The following PALM2AKAP2 variants were observed in gnomAD, a reference collection of about 807,000 sequenced individuals.
The protein encoded by PALM2AKAP2 is PALM2-AKAP2 fusion protein.
Under a neutral mutation model 71.5 loss-of-function variants are expected in PALM2AKAP2, and 37 were observed. That is an observed-to-expected ratio of 0.52 (90% CI 0.40 to 0.68). The LOEUF is 0.68. Among genes scored for constraint, PALM2AKAP2 ranks in the 30% least tolerant of loss-of-function variants. PALM2AKAP2 has a pLI of 0.00. For synonymous variants in PALM2AKAP2, 468 were observed against 478.8 expected (o/e 0.98, Z 0.29); for missense variants, 1,224 against 1,191.8 (o/e 1.03, Z -0.40).
chr9:109,720,635 T>A (rs919774715), intron 1 of PALM2AKAP2, among the ~76,000 whole-genome samples: 1 of 152,166 alleles, frequency 6.6e-6, no homozygotes, highest in Non-Finnish European at 1.5e-5. Flanking sequence ...GCTAGCAAAA[T>A]CTATAGGGTT....
chr9:109,647,565 G>T (rs1827172007), intron 1 of PALM2AKAP2, among the ~76,000 whole-genome samples: 1 of 152,188 alleles, frequency 6.6e-6, no homozygotes, highest in African/African-American at 2.4e-5. Context: ...CATTCATCAT[G>T]TTTGAGAGCC....
intron 4 of PALM2AKAP2, 87 bp from the exon 5 acceptor site, chr9:109,924,974 A>G: frequency 3.8e-6 from 6 of 1,595,276 alleles, no homozygotes; most frequent in Admixed American, 3.4e-5. Context: ...CATGGGAGAA[A>G]GATGGGTTAA....
intron 1 of PALM2AKAP2, among the ~76,000 whole-genome samples, chr9:109,860,021 A>C (rs1025605262): frequency 2.0e-5 from 3 of 152,246 alleles, no homozygotes; most frequent in Admixed American, 6.5e-5. Context: ...AGGAAGCCTG[A>C]ATAGAAATCA....
chr9:109,786,886 A>G (rs1826984819), intron 1 of PALM2AKAP2, among the ~76,000 whole-genome samples: 1 of 152,204 alleles, frequency 6.6e-6, no homozygotes, highest in African/African-American at 2.4e-5. Context: ...AGGGCCCAGT[A>G]GAATTGTTTC....
chr9:109,949,516 A>C (rs1831587280), intron 6 of PALM2AKAP2, among the ~76,000 whole-genome samples: 2 of 152,212 alleles, frequency 1.3e-5, no homozygotes, highest in African/African-American at 4.8e-5. Context: ...ATCTATATAC[A>C]TTATGGAGCT....
chr9:110,126,881 A>G lies in PALM2AKAP2; in HGVS notation c.157-9246A>G, dbSNP rs185415712. 2.0e-4 allele frequency among the ~76,000 whole-genome samples: 31 copies of G among 152,350 alleles called. No individual in the cohort carries two copies. The East Asian group carries it at 6.0e-3, about 29-fold the overall frequency. On this transcript the variant is annotated intron_variant, in intron 1 of 3. Coordinates refer to ENST00000374525, the Ensembl canonical transcript of PALM2AKAP2. ...AGCCACTGACTTTTCAGCAGGGCTAAGAGGAGGATTGTTCATAGGCTAAGC... is the reference window on the plus strand; with the variant it reads ...AGCCACTGACTTTTCAGCAGGGCTAGGAGGAGGATTGTTCATAGGCTAAGC...
chr9:110,006,853 C>A (rs569262183), intron 6 of PALM2AKAP2, among the ~76,000 whole-genome samples: 1 of 152,260 alleles, frequency 6.6e-6, no homozygotes, highest in East Asian at 1.9e-4. Flanking sequence ...CTGTTTCATT[C>A]CTTTTTTCAT....
intron 3 of PALM2AKAP2, among the ~76,000 whole-genome samples, chr9:110,159,103 T>C (rs1408202065): frequency 2.6e-5 from 4 of 152,230 alleles, no homozygotes; most frequent in Non-Finnish European, 5.9e-5. Context: ...TTTCTTTTTC[T>C]TTAATACCAG....
chr9:109,715,231 C>T (rs761255366), intron 1 of PALM2AKAP2, among the ~76,000 whole-genome samples: 5 of 152,096 alleles, frequency 3.3e-5, no homozygotes, highest in South Asian at 2.1e-4. Context: ...GAGATAGGCC[C>T]GCTTTCCAGA....
chr9:109,655,704 T>A (rs1827294542), intron 1 of PALM2AKAP2, among the ~76,000 whole-genome samples: 1 of 152,236 alleles, frequency 6.6e-6, no homozygotes. Flanking sequence ...CTTTTGTGTC[T>A]GGATAATTTC....
chr9:110,149,173 T>G (rs1162380392), intron 2 of PALM2AKAP2, among the ~76,000 whole-genome samples: 1 of 152,192 alleles, frequency 6.6e-6, no homozygotes, highest in African/African-American at 2.4e-5. Flanking sequence ...AAACACCAAT[T>G]TATGCTTTCC....
chr9:109,849,671 A>T (rs67191673), intron 1 of PALM2AKAP2, among the ~76,000 whole-genome samples: 21,702 of 152,102 alleles, frequency 0.14, 1,882 homozygotes, highest in East Asian at 0.25. Context: ...CAGGAGAATC[A>T]CTTGAACCCG....
chr9:109,864,695 G>A (rs1365478663), intron 1 of PALM2AKAP2, among the ~76,000 whole-genome samples: 2 of 152,182 alleles, frequency 1.3e-5, no homozygotes, highest in African/African-American at 2.4e-5. Context: ...TACAATGGTA[G>A]CATTCAGTAG....
intron 1 of PALM2AKAP2, among the ~76,000 whole-genome samples, chr9:109,727,940 C>T (rs1225904986): frequency 1.3e-5 from 2 of 152,180 alleles, no homozygotes; most frequent in Non-Finnish European, 2.9e-5. Context: ...CCCTTTAGAT[C>T]AGTGCCAGGT....
At chr9:110,062,183 T>C (rs78847704) in intron 1 of PALM2AKAP2, among the ~76,000 whole-genome samples, 1 of 152,238 alleles carries the variant, frequency 6.6e-6, no homozygotes. Flanking sequence ...GCTGCACCTA[T>C]CAACCCATCA....
At chr9:109,881,874 C>G (rs75953096) in intron 3 of PALM2AKAP2, among the ~76,000 whole-genome samples, 18 of 98,200 alleles carry the variant, frequency 1.8e-4, no homozygotes, top group African/African-American at 6.1e-4. Context: ...AGCTTATGAG[C>G]TCTTTTTTTT....
intron 6 of PALM2AKAP2, among the ~76,000 whole-genome samples, chr9:109,990,558 G>A (rs953931554): frequency 2.6e-5 from 4 of 152,222 alleles, no homozygotes; most frequent in Non-Finnish European, 4.4e-5. Context: ...TCAGGGCAGA[G>A]TTCAGAGCCA....
intron 3 of PALM2AKAP2, among the ~76,000 whole-genome samples, chr9:110,167,450 A>C (rs1836764313): frequency 6.9e-6 from 1 of 145,914 alleles, no homozygotes; most frequent in Non-Finnish European, 1.5e-5. Context: ...TATGTTGGCA[A>C]CCTAAATGCC....
At chr9:110,169,411 A>G (rs1172601186) in exon 4 of PALM2AKAP2, 1 of 152,176 alleles carries the variant, frequency 6.6e-6, no homozygotes, top group Non-Finnish European at 1.5e-5. Context: ...TTAGAGCGGC[A>G]ATAATTGAAA....
Sources: allele counts gnomAD v4.1 joint callset (sites outside exome capture counted in the v4.1 genomes callset), GRCh38; gene constraint gnomAD v4.1.1; transcripts MANE v1.5; gene names NCBI Gene and HGNC (gene_info 2026-07-23, HGNC 2026-07-21).